The following SPTAN1 variants were observed in gnomAD, a reference collection of about 807,000 sequenced individuals.
SPTAN1 encodes the protein spectrin alpha chain, non-erythrocytic 1.
SPTAN1 carries 61 observed loss-of-function variants against 331.3 expected under a neutral mutation model. That is an observed-to-expected ratio of 0.18 (90% CI 0.15 to 0.23). SPTAN1 has a LOEUF of 0.23. SPTAN1 is among the 10% of genes least tolerant of loss of function. The pLI is 1.00. For missense variants in SPTAN1, 2,043 were observed against 3,147.9 expected (o/e 0.65, Z 8.40); for synonymous variants, 1,153 against 1,173.9 (o/e 0.98, Z 0.36).
intron 29 of SPTAN1, 131 bp from the exon 30 acceptor site, chr9:128,604,903 G>A: frequency 1.0e-6 from 1 of 1,003,072 alleles, no homozygotes; most frequent in Non-Finnish European, 1.4e-6. Context: ...TTGTGCTCCA[G>A]CCTGGGTGAC....
chr9:128,555,957 C>T (rs965597175), intron 1 of SPTAN1, among the ~76,000 whole-genome samples: 1 of 152,164 alleles, frequency 6.6e-6, no homozygotes, highest in African/African-American at 2.4e-5. Context: ...TGCGGTGGCT[C>T]ATGCCTGTAA....
chr9:128,614,600 CAAAA>C (rs552202114), intron 40 of SPTAN1, among the ~76,000 whole-genome samples: 1 of 135,908 alleles, frequency 7.4e-6, no homozygotes, highest in African/African-American at 2.6e-5. Context: ...AAAAAAAAAA[CAAAA>C]AAAAAACACA....
intron 45 of SPTAN1, among the ~76,000 whole-genome samples, chr9:128,623,133 G>A (rs1858150008): frequency 6.6e-6 from 1 of 151,970 alleles, no homozygotes; most frequent in African/African-American, 2.4e-5. Flanking sequence ...TCGGCTCACT[G>A]TAGCCTCTGC....
rs1856783644 is a variant in SPTAN1 at position 128,613,392 on chromosome 9, G to C, written c.5055G>C (p.Leu1685=). 6.2e-7 allele frequency: 1 copy of C among 1,613,878 alleles called. No homozygotes were observed. The highest frequency in any genetic ancestry group is 1.1e-5 in the South Asian group (1 of 91,094). ...GTTTTCATTGCCAGGTGGAGGCCCTGCTGGCATCCGAAGATTATGGCAAAG... is the reference window on the plus strand; with the variant it reads ...GTTTTCATTGCCAGGTGGAGGCCCTCCTGGCATCCGAAGATTATGGCAAAG... ...FDFWLSEVEA[L]LASEDYGKDL... The change falls in exon 40 of 57, where the codon CTG becomes CTC. Residue 1685 remains leucine, a synonymous_variant. Transcript: ENST00000372739.
In SPTAN1 at chr9:128,604,395, C is replaced by T; in HGVS notation, c.3697C>T (p.His1233Tyr). 1 of 1,613,752 alleles carries T rather than the reference C, an allele frequency of 6.2e-7. No homozygotes were observed. Among genetic ancestry groups the T allele is most frequent in the Non-Finnish European group, 8.5e-7 (1 of 1,179,880 alleles). Residue 1233 changes from histidine (H) to tyrosine (Y), a missense_variant, in exon 29 of 57, where the codon CAT becomes TAT. His to Tyr is a moderately conservative substitution (Grantham distance 83, BLOSUM62 2). Transcript: ENST00000372739. ...ACGGAGCCAGCTCTTGGGCAGCGCC[C>T]ATGAAGTACAGAGGTTCCACAGGTG... Reference protein sequence around the residue: ...EERSQLLGSAHEVQRFHRDAD... With the variant: ...EERSQLLGSAYEVQRFHRDAD...
chr9:128,573,904 G>C (rs887957186), intron 3 of SPTAN1, among the ~76,000 whole-genome samples: 1 of 151,992 alleles, frequency 6.6e-6, no homozygotes, highest in South Asian at 2.1e-4. Flanking sequence ...ACAGGTGTGC[G>C]CCCCCATACC....
At chr9:128,584,206 G>T in intron 16 of SPTAN1, 76 bp from the exon 17 acceptor site, 3 of 1,606,160 alleles carry the variant, frequency 1.9e-6, no homozygotes, top group Non-Finnish European at 2.6e-6. Context: ...ATGGAAAAAA[G>T]ACCTTATCAA....
Position 128,632,820 on chromosome 9 carries a change from C to T in SPTAN1, c.7173C>T (p.Val2391=), listed in dbSNP as rs147223529. The T allele has an allele frequency of 2.5e-6, 4 of 1,614,128 alleles. No homozygotes were observed. The East Asian group carries it at 8.9e-5, about 36-fold the overall frequency. The change falls in exon 56 of 57, where the codon GTC becomes GTT. Residue 2391 remains valine (V), a synonymous_variant. Coordinates refer to ENST00000372739, the MANE Select transcript of SPTAN1 (RefSeq NM_001130438.3). ...CCCCCGCTCCTAGAGATGGCCATGT[C>T]TCCTTGCAAGAATACATGGCTTTCA... ...DTVDPNRDGH[V]SLQEYMAFMI... is the part of the protein sequence containing the mutation.
chr9:128,611,652 C>G (rs1433242894), intron 37 of SPTAN1, 62 bp from the exon 38 acceptor site: 2 of 1,601,694 alleles, frequency 1.2e-6, no homozygotes, highest in Non-Finnish European at 1.7e-6. Flanking sequence ...AGAACCCCTT[C>G]CCCCTGAAAA....
chr9:128,615,220 C>T (rs1255687130), intron 40 of SPTAN1, among the ~76,000 whole-genome samples: 3 of 152,032 alleles, frequency 2.0e-5, no homozygotes, highest in Non-Finnish European at 4.4e-5. Flanking sequence ...ATAGTTTGTT[C>T]GGTGGTTGTT....
At chr9:128,565,688 C>G (rs1023497349) in intron 1 of SPTAN1, among the ~76,000 whole-genome samples, 1 of 152,232 alleles carries the variant, frequency 6.6e-6, no homozygotes, top group Non-Finnish European at 1.5e-5. Context: ...TCTTAGCCTA[C>G]TCACCCTTTT....
chr9:128,592,969 C>T lies in SPTAN1; in HGVS notation c.3156-14C>T. 6.2e-7 allele frequency: 1 copy of T among 1,602,230 alleles called. No individual in the cohort carries two copies. The highest frequency in any genetic ancestry group is 8.5e-7 in the Non-Finnish European group (1 of 1,173,562). ...CTAATTCGTGCATGCTTTTGCTGTG[C>T]CCCCTCTGTGCAGGACACGCATAAC... On this transcript the variant is annotated splice_polypyrimidine_tract_variant and intron_variant, in intron 22 of 56. Coordinates refer to ENST00000372739, the MANE Select transcript of SPTAN1 (RefSeq NM_001130438.3).
At chr9:128,571,758 A>C (rs1052244551) in intron 3 of SPTAN1, among the ~76,000 whole-genome samples, 1 of 152,158 alleles carries the variant, frequency 6.6e-6, no homozygotes, top group African/African-American at 2.4e-5. Context: ...AGTCTCAGAG[A>C]ATTTGAGTAA....
In SPTAN1 at chr9:128,632,504, C is replaced by T. The variant is rs752000519; in HGVS notation, c.7013+20C>T. The T allele has an allele frequency of 3.7e-6, 6 of 1,614,096 alleles. No individual in the cohort carries two copies. Among genetic ancestry groups the T allele is most frequent in the African/African-American group, 2.7e-5 (2 of 74,950 alleles). ...GTTTAAGTGAGTTCAGCCTTACTCG[C>T]CCTGGCTGGGTGGGGGGTGTTCGGC... On this transcript the variant is annotated intron_variant, in intron 54 of 56. Transcript: ENST00000372739.
Position 128,608,946 on chromosome 9 carries a change from A to G in SPTAN1, c.4564A>G (p.Ile1522Val), listed in dbSNP as rs764323424. 3.7e-6 allele frequency: 6 copies of G among 1,614,196 alleles called. No individual in the cohort carries two copies. Among genetic ancestry groups the G allele is most frequent in the Non-Finnish European group, 5.1e-6 (6 of 1,180,032 alleles). The change falls in exon 35 of 57, where the codon ATT becomes GTT. Residue 1522 changes from isoleucine to valine, a missense_variant. Transcript: ENST00000372739. Reference sequence around the variant, plus strand: ...TGCCGGCCATTATGCCAAGGGAGACATTTCTAGCCGGCGCAATGAGGTCTT... The same window carrying G: ...TGCCGGCCATTATGCCAAGGGAGACGTTTCTAGCCGGCGCAATGAGGTCTT... ...IAAGHYAKGD[I>V]SSRRNEVLDR...
intron 1 of SPTAN1, among the ~76,000 whole-genome samples, chr9:128,565,183 G>T (rs760049572): frequency 2.0e-5 from 3 of 152,076 alleles, no homozygotes; most frequent in Non-Finnish European, 4.4e-5. Context: ...CAGGCCTGTA[G>T]TCCCCGCTAC....
At chr9:128,590,429 C>A (rs1038924060) in intron 21 of SPTAN1, among the ~76,000 whole-genome samples, 1 of 151,498 alleles carries the variant, frequency 6.6e-6, no homozygotes, top group African/African-American at 2.4e-5. Flanking sequence ...TGAAGCCGGG[C>A]ATGGTGGCTC....
intron 46 of SPTAN1, 189 bp from the exon 47 acceptor site, chr9:128,624,914 C>T (rs199620607): frequency 2.7e-5 from 18 of 660,162 alleles, no homozygotes; most frequent in South Asian, 6.8e-5. Context: ...GCAGGGAGCT[C>T]GTCATGGCAC....
intron 37 of SPTAN1, 110 bp downstream of exon 37, chr9:128,609,775 C>T: frequency 1.5e-6 from 1 of 686,406 alleles, no homozygotes; most frequent in Non-Finnish European, 2.3e-6. Context: ...GGTGTCTCTT[C>T]ATCCATCCTT....
Sources: allele counts gnomAD v4.1 joint callset (sites outside exome capture counted in the v4.1 genomes callset), GRCh38; gene constraint gnomAD v4.1.1; transcripts MANE v1.5; gene names NCBI Gene and HGNC (gene_info 2026-07-23, HGNC 2026-07-21).